RETREG1: variants seen among roughly 807,000 people sequenced by gnomAD.
RETREG1 encodes the protein family with sequence similarity 134 member B.
In RETREG1, 44 loss-of-function variants were observed where a neutral mutation model predicts 54.8. The observed-to-expected ratio is 0.80, with a 90% CI of 0.63 to 1.03. The LOEUF (loss-of-function observed/expected upper bound fraction) is 1.03. RETREG1 is among the 50% of genes least tolerant of loss of function. The pLI, the probability that RETREG1 is intolerant of heterozygous loss-of-function variation, is 0.00. For synonymous variants in RETREG1, 217 were observed against 238.5 expected (o/e 0.91, Z 0.83); for missense variants, 554 against 605.1 (o/e 0.92, Z 0.89).
At chr5:16,501,509 T>C (rs1246479043) in intron 3 of RETREG1, among the ~76,000 whole-genome samples, 10 of 152,000 alleles carry the variant, frequency 6.6e-5, no homozygotes, top group Middle Eastern at 3.4e-3. Context: ...AGAGAGTTCA[T>C]TGGCCTGCAA....
At chr5:16,551,851 G>A (rs1000879304) in intron 3 of RETREG1, among the ~76,000 whole-genome samples, 3 of 152,142 alleles carry the variant, frequency 2.0e-5, no homozygotes, top group Non-Finnish European at 2.9e-5. Flanking sequence ...AGAGGCTCTC[G>A]GGGAGATGGT....
At chr5:16,587,772 C>T (rs1428219335) in intron 1 of RETREG1, among the ~76,000 whole-genome samples, 1 of 152,188 alleles carries the variant, frequency 6.6e-6, no homozygotes, top group Non-Finnish European at 1.5e-5. Flanking sequence ...CCACATGCAT[C>T]CATGTGGCAC....
chr5:16,505,784 G>A (rs778759997), intron 3 of RETREG1, among the ~76,000 whole-genome samples: 5 of 152,138 alleles, frequency 3.3e-5, no homozygotes, highest in Non-Finnish European at 5.9e-5. Context: ...CAGGGTACAC[G>A]TTTCCTCCTA....
At chr5:16,513,416 G>C (rs756356577) in intron 3 of RETREG1, among the ~76,000 whole-genome samples, 1 of 152,200 alleles carries the variant, frequency 6.6e-6, no homozygotes, top group Non-Finnish European at 1.5e-5. Flanking sequence ...AACAGCTACA[G>C]GGACCAAGGG....
intron 3 of RETREG1, among the ~76,000 whole-genome samples, chr5:16,531,860 CA>C (rs1315064475): frequency 2.0e-5 from 3 of 152,252 alleles, no homozygotes; most frequent in East Asian, 3.9e-4. Flanking sequence ...AAGCAGTGAG[CA>C]AACTAATTTT....
intron 3 of RETREG1, among the ~76,000 whole-genome samples, chr5:16,485,906 C>A (rs74877001): frequency 3.3e-5 from 5 of 152,236 alleles, no homozygotes; most frequent in African/African-American, 1.2e-4. Flanking sequence ...GCTGGTAGCA[C>A]TATTCCTCTG....
intron 3 of RETREG1, among the ~76,000 whole-genome samples, chr5:16,485,093 G>A (rs1161127899): frequency 1.3e-5 from 2 of 152,010 alleles, no homozygotes; most frequent in South Asian, 2.1e-4. Flanking sequence ...GCACCAGAGA[G>A]CAAAAGCTAT....
chr5:16,608,268 T>C (rs1353991456), intron 1 of RETREG1, among the ~76,000 whole-genome samples: 1 of 152,116 alleles, frequency 6.6e-6, no homozygotes, highest in Non-Finnish European at 1.5e-5. Context: ...TTTTTTAACA[T>C]CTACAGTGTT....
At chr5:16,584,491 T>G (rs1742574924) in intron 1 of RETREG1, among the ~76,000 whole-genome samples, 1 of 152,178 alleles carries the variant, frequency 6.6e-6, no homozygotes, top group African/African-American at 2.4e-5. Context: ...TATTTAATAT[T>G]ATGGTGGCTC....
intron 1 of RETREG1, among the ~76,000 whole-genome samples, chr5:16,580,003 G>A (rs1441004451): frequency 2.0e-5 from 3 of 152,174 alleles, no homozygotes; most frequent in Non-Finnish European, 4.4e-5. Flanking sequence ...TCAGCATGCT[G>A]GCTGAAGTTG....
chr5:16,536,969 G>A (rs142418449), intron 3 of RETREG1, among the ~76,000 whole-genome samples: 188 of 152,212 alleles, frequency 1.2e-3, no homozygotes, highest in African/African-American at 4.3e-3. Flanking sequence ...AGCTCCCATC[G>A]TCAGAGAGTT....
At chr5:16,504,970 T>C (rs1393296561) in intron 3 of RETREG1, among the ~76,000 whole-genome samples, 1 of 152,236 alleles carries the variant, frequency 6.6e-6, no homozygotes. Flanking sequence ...ATCTGAATTA[T>C]TAAAACATCT....
chr5:16,551,894 C>A (rs1026073994), intron 3 of RETREG1, among the ~76,000 whole-genome samples: 4 of 152,150 alleles, frequency 2.6e-5, no homozygotes, highest in Non-Finnish European at 4.4e-5. Context: ...CTAGAGGCCA[C>A]CTGTTTTCCT....
At chr5:16,495,567 G>A (rs765991500) in intron 3 of RETREG1, among the ~76,000 whole-genome samples, 61 of 152,284 alleles carry the variant, frequency 4.0e-4, no homozygotes, top group African/African-American at 2.9e-4. Context: ...GGTACAGCTC[G>A]GGCTGCTGCT....
At chr5:16,533,178 G>A (rs1422807376) in intron 3 of RETREG1, among the ~76,000 whole-genome samples, 1 of 152,018 alleles carries the variant, frequency 6.6e-6, no homozygotes, top group Non-Finnish European at 1.5e-5. Context: ...CTGAGTAGCT[G>A]GAACTACAGG....
chr5:16,524,487 T>A (rs563643500), intron 3 of RETREG1, among the ~76,000 whole-genome samples: 2 of 152,196 alleles, frequency 1.3e-5, no homozygotes, highest in Non-Finnish European at 2.9e-5. Context: ...CTTCTTTACA[T>A]CCATCTACTT....
At chr5:16,532,701 C>G (rs1740948996) in intron 3 of RETREG1, among the ~76,000 whole-genome samples, 1 of 152,182 alleles carries the variant, frequency 6.6e-6, no homozygotes. Flanking sequence ...GTAAGTCAGT[C>G]TTGGGAAAGC....
At chr5:16,499,143 C>T (rs759030467) in intron 3 of RETREG1, among the ~76,000 whole-genome samples, 1 of 151,702 alleles carries the variant, frequency 6.6e-6, no homozygotes, top group African/African-American at 2.4e-5. Context: ...CCTTGGCCTA[C>T]CCAGGGACAG....
At chr5:16,483,021 A>G (rs1006669054) in intron 4 of RETREG1, 2 of 268,558 alleles carry the variant, frequency 7.4e-6, no homozygotes, top group East Asian at 1.8e-4. Context: ...CTTCAGCACC[A>G]GGCTAAATAC....
Sources: gnomAD v4.1 joint callset for allele counts (sites outside exome capture counted in the v4.1 genomes callset) on GRCh38, gnomAD v4.1.1 for gene constraint, MANE v1.5 for transcripts, NCBI Gene and HGNC (gene_info 2026-07-23, HGNC 2026-07-21) for gene names.